Variants in GRM7 observed in about 807,000 individuals in gnomAD.
GRM7 encodes the protein glutamate metabotropic receptor 7.
GRM7 carries 35 observed loss-of-function variants against 84.5 expected under a neutral mutation model. The ratio of observed to expected loss-of-function variants is 0.41; its 90% CI spans 0.32 to 0.55. The LOEUF (loss-of-function observed/expected upper bound fraction) is 0.55. GRM7 is among the 20% of genes least tolerant of loss of function. The probability of loss-of-function intolerance (pLI) is 0.19; values close to 1 mark genes in which losing one functional copy is unlikely to be tolerated. For synonymous variants in GRM7, 487 were observed against 455.1 expected (o/e 1.07, Z -0.89); for missense variants, 1,003 against 1,194.6 (o/e 0.84, Z 2.36).
chr3:7,332,029 T>C (rs1230557834), intron 4 of GRM7, among the ~76,000 whole-genome samples: 1 of 152,164 alleles, frequency 6.6e-6, no homozygotes, highest in Non-Finnish European at 1.5e-5. Context: ...GGTCAAGTTA[T>C]AGGTATATTT....
chr3:7,512,207 G>A (rs996362393), intron 7 of GRM7, among the ~76,000 whole-genome samples: 13 of 151,996 alleles, frequency 8.6e-5, no homozygotes, highest in Non-Finnish European at 1.8e-4. Flanking sequence ...GAAAATCTAC[G>A]AGCAACAGTT....
At chr3:7,226,855 G>T (rs534143317) in intron 2 of GRM7, among the ~76,000 whole-genome samples, 3 of 152,186 alleles carry the variant, frequency 2.0e-5, no homozygotes, top group African/African-American at 7.2e-5. Flanking sequence ...TATTTTAAGG[G>T]TCTTTATTAT....
chr3:7,124,275 G>A (rs1305506188), intron 1 of GRM7, among the ~76,000 whole-genome samples: 11 of 152,182 alleles, frequency 7.2e-5, no homozygotes, highest in Non-Finnish European at 1.5e-4. Context: ...TTCAAATGTG[G>A]AGCATAGCAT....
intron 4 of GRM7, among the ~76,000 whole-genome samples, chr3:7,396,197 AT>A (rs1695207345): frequency 6.6e-6 from 1 of 152,104 alleles, no homozygotes; most frequent in South Asian, 2.1e-4. Context: ...AAAACAAAAA[AT>A]TTCCCAGTAA....
chr3:7,219,604 G>A (rs559829395), intron 2 of GRM7, among the ~76,000 whole-genome samples: 1 of 152,292 alleles, frequency 6.6e-6, no homozygotes, highest in African/African-American at 2.4e-5. Context: ...ATGAGCTCAA[G>A]TTCAGTTTAA....
chr3:7,111,702 T>G (rs553188001), intron 1 of GRM7, among the ~76,000 whole-genome samples: 1 of 152,294 alleles, frequency 6.6e-6, no homozygotes, highest in East Asian at 1.9e-4. Context: ...CATTTTATTT[T>G]TAACTATTAA....
intron 7 of GRM7, among the ~76,000 whole-genome samples, chr3:7,479,705 C>A (rs537489607): frequency 2.4e-4 from 36 of 152,230 alleles, no homozygotes; most frequent in African/African-American, 8.7e-4. Context: ...TTTTTATTCC[C>A]ATTTTACAGA....
chr3:7,094,815 A>T (rs1201479610), intron 1 of GRM7, among the ~76,000 whole-genome samples: 10 of 152,188 alleles, frequency 6.6e-5, no homozygotes, highest in African/African-American at 9.6e-5. Flanking sequence ...AATGCATGTA[A>T]ATCACTTAGC....
At chr3:7,116,340 C>T (rs1450584704) in intron 1 of GRM7, among the ~76,000 whole-genome samples, 1 of 152,120 alleles carries the variant, frequency 6.6e-6, no homozygotes, top group Non-Finnish European at 1.5e-5. Context: ...TATTTCCAAG[C>T]ACCATTGTAG....
intron 5 of GRM7, chr3:7,451,914 T>C (rs1325414468): frequency 6.6e-6 from 1 of 152,294 alleles, no homozygotes; most frequent in East Asian, 1.9e-4. Flanking sequence ...ATGATGTGAC[T>C]AGCTCTGTAG....
intron 1 of GRM7, among the ~76,000 whole-genome samples, chr3:7,006,189 G>T (rs911386582): frequency 6.6e-6 from 1 of 152,144 alleles, no homozygotes; most frequent in Non-Finnish European, 1.5e-5. Flanking sequence ...AGAAATTGAA[G>T]GACCGCTGGT....
At chr3:7,334,758 G>A (rs1348547803) in intron 4 of GRM7, among the ~76,000 whole-genome samples, 1 of 152,092 alleles carries the variant, frequency 6.6e-6, no homozygotes, top group Non-Finnish European at 1.5e-5. Flanking sequence ...CCAAAAGCGA[G>A]CAGAAGTAGC....
At position 7,463,257 on chromosome 3, in the gene GRM7, C is replaced by T. The variant is rs567695850; in HGVS notation, c.1515+1535C>T. Among the ~76,000 whole-genome samples, 7 of 152,014 alleles carry T rather than the reference C, an allele frequency of 4.6e-5. No homozygotes were observed. In the South Asian group the frequency reaches 1.5e-3, roughly 32 times the overall value. On this transcript the variant is annotated intron_variant, in intron 7 of 9. Coordinates refer to ENST00000357716, the MANE Select transcript of GRM7 (RefSeq NM_000844.4). ...AAATTTCTGGCACATATAATTTGTC[C>T]AATATCCGTAAGAGTTCCCAAGTAG...
At chr3:7,245,251 C>G (rs1697713972) in intron 2 of GRM7, among the ~76,000 whole-genome samples, 1 of 151,864 alleles carries the variant, frequency 6.6e-6, no homozygotes, top group Admixed American at 6.6e-5. Context: ...AAAATAAATA[C>G]TGACAAAATG....
At chr3:7,134,122 G>C (rs561165502) in intron 1 of GRM7, among the ~76,000 whole-genome samples, 106 of 152,168 alleles carry the variant, frequency 7.0e-4, no homozygotes, top group African/African-American at 2.5e-3. Context: ...CATTTTGTAG[G>C]TATTTCATCT....
At chr3:7,455,916 G>T (rs1697989679) in intron 6 of GRM7, among the ~76,000 whole-genome samples, 1 of 151,428 alleles carries the variant, frequency 6.6e-6, no homozygotes, top group African/African-American at 2.4e-5. Flanking sequence ...GCACAACATT[G>T]TATCAATCTT....
At chr3:7,507,702 A>G (rs1274301373) in intron 7 of GRM7, among the ~76,000 whole-genome samples, 1 of 152,198 alleles carries the variant, frequency 6.6e-6, no homozygotes, top group Non-Finnish European at 1.5e-5. Context: ...GAAGAACTAG[A>G]TTATTCTAGC....
chr3:7,327,898 A>G (rs1004361547), intron 4 of GRM7, among the ~76,000 whole-genome samples: 2 of 152,252 alleles, frequency 1.3e-5, no homozygotes, highest in African/African-American at 4.8e-5. Context: ...TAAATAATGT[A>G]TCAGAACATT....
intron 2 of GRM7, among the ~76,000 whole-genome samples, chr3:7,174,995 G>T (rs930927737): frequency 6.6e-6 from 1 of 152,176 alleles, no homozygotes; most frequent in South Asian, 2.1e-4. Flanking sequence ...CCAGCACAAA[G>T]TCAAGAACAT....
Sources: allele counts gnomAD v4.1 joint callset (sites outside exome capture counted in the v4.1 genomes callset), GRCh38; gene constraint gnomAD v4.1.1; transcripts MANE v1.5; gene names NCBI Gene and HGNC (gene_info 2026-07-23, HGNC 2026-07-21).